FRMPD1: variants seen among roughly 807,000 people sequenced by gnomAD.
FRMPD1 encodes FERM and PDZ domain containing 1.
In FRMPD1, 76 loss-of-function variants were observed where a neutral mutation model predicts 117.8. The observed-to-expected ratio is 0.65, with a 90% CI of 0.54 to 0.78. The LOEUF (loss-of-function observed/expected upper bound fraction) is 0.78, where lower values mean the gene tolerates loss of function less well. Among genes scored for constraint, FRMPD1 ranks in the 30% least tolerant of loss-of-function variants. The pLI is 0.00. For missense variants in FRMPD1, 1,786 were observed against 1,964.5 expected (o/e 0.91, Z 1.72); for synonymous variants, 783 against 770.4 (o/e 1.02, Z -0.27).
At chr9:37,636,047 G>A in the FRMPD1 span, among the ~76,000 whole-genome samples, 1 of 152,198 alleles carries the variant, frequency 6.6e-6, no homozygotes, top group Non-Finnish European at 1.5e-5. Context: ...ACTTTCTCCA[G>A]GCTCAAGACA....
intron 2 of FRMPD1, among the ~76,000 whole-genome samples, chr9:37,701,696 G>A (rs370154281): frequency 6.6e-6 from 1 of 152,110 alleles, no homozygotes; most frequent in Non-Finnish European, 1.5e-5. Context: ...GGCGGGAGCT[G>A]TATTAAGCCA....
At chr9:37,621,797 C>T in the FRMPD1 span, among the ~76,000 whole-genome samples, 2 of 152,060 alleles carry the variant, frequency 1.3e-5, no homozygotes, top group African/African-American at 2.4e-5. Flanking sequence ...TGAATAGGCC[C>T]CAGCAGATGA....
At chr9:37,718,256 C>T (rs911629390) in intron 5 of FRMPD1, among the ~76,000 whole-genome samples, 1 of 152,212 alleles carries the variant, frequency 6.6e-6, no homozygotes, top group Non-Finnish European at 1.5e-5. Flanking sequence ...CCCATCTTCA[C>T]AGAACGTGGC....
At chr9:37,741,882 C>A (rs987987391) in intron 15 of FRMPD1, among the ~76,000 whole-genome samples, 1 of 152,216 alleles carries the variant, frequency 6.6e-6, no homozygotes, top group Admixed American at 6.5e-5. Flanking sequence ...TATCAGATTC[C>A]GGTTGGAATT....
intron 1 of FRMPD1, among the ~76,000 whole-genome samples, chr9:37,658,368 G>A (rs755710547): frequency 5.3e-5 from 8 of 152,218 alleles, no homozygotes; most frequent in African/African-American, 9.6e-5. Context: ...AGTGGTTGAC[G>A]TGGGGTCGGG....
the FRMPD1 span, among the ~76,000 whole-genome samples, chr9:37,623,215 T>C: frequency 6.6e-6 from 1 of 152,238 alleles, no homozygotes; most frequent in African/African-American, 2.4e-5. Context: ...GACCACTCTA[T>C]GCTGTGTCCT....
chr9:37,745,349 G>A lies in FRMPD1; in HGVS notation c.3317G>A (p.Gly1106Glu). The A allele has an allele frequency of 6.8e-6, 11 of 1,613,608 alleles. No homozygotes were observed. Among genetic ancestry groups the A allele is most frequent in the Non-Finnish European group, 7.6e-6 (9 of 1,179,490 alleles). ...ATCCCTACAAAGGAAGAGCCACAAG[G>A]ACAACTATCTCTGGAAAGAGACAGA... ...ASIPTKEEPQGQLSLERDREV... is the reference protein window; with the variant it reads ...ASIPTKEEPQEQLSLERDREV... The change falls in exon 16 of 16, where the codon GGA becomes GAA. Residue 1106 changes from glycine to glutamate, a missense_variant. Transcript: ENST00000377765.
At chr9:37,603,965 C>G in the FRMPD1 span, among the ~76,000 whole-genome samples, 2 of 152,158 alleles carry the variant, frequency 1.3e-5, no homozygotes, top group African/African-American at 4.8e-5. Flanking sequence ...AGGAGTGAGC[C>G]TGTAATCTCA....
chr9:37,693,903 C>G (rs1376443854), intron 2 of FRMPD1, among the ~76,000 whole-genome samples: 1 of 152,174 alleles, frequency 6.6e-6, no homozygotes, highest in East Asian at 1.9e-4. Context: ...AAGCCTTCCT[C>G]TGTCTAGAGT....
At chr9:37,610,705 C>T in the FRMPD1 span, among the ~76,000 whole-genome samples, 57 of 152,130 alleles carry the variant, frequency 3.7e-4, no homozygotes, top group Non-Finnish European at 7.4e-4. Context: ...AGAGATTCTC[C>T]TGCCACAGCC....
chr9:37,667,051 A>AT (rs1409591919), intron 1 of FRMPD1, among the ~76,000 whole-genome samples: 2 of 119,972 alleles, frequency 1.7e-5, no homozygotes, highest in Non-Finnish European at 3.4e-5. Flanking sequence ...AAGAGAGACA[A>AT]TTGAAGCATG....
intron 1 of FRMPD1, among the ~76,000 whole-genome samples, chr9:37,684,355 A>G (rs1472963272): frequency 6.6e-6 from 1 of 152,266 alleles, no homozygotes; most frequent in Non-Finnish European, 1.5e-5. Context: ...GCATTAAATA[A>G]GATAACCTGT....
At chr9:37,688,840 C>G (rs1466804092) in intron 1 of FRMPD1, among the ~76,000 whole-genome samples, 1 of 151,966 alleles carries the variant, frequency 6.6e-6, no homozygotes, top group Non-Finnish European at 1.5e-5. Context: ...GAAAAATTAA[C>G]TTGCTAATTG....
the FRMPD1 span, among the ~76,000 whole-genome samples, chr9:37,643,519 CT>C: frequency 6.6e-6 from 1 of 152,116 alleles, no homozygotes; most frequent in Non-Finnish European, 1.5e-5. Context: ...GTGTATTTAA[CT>C]TTCAAAAACA....
At chr9:37,644,369 CCTT>C in the FRMPD1 span, among the ~76,000 whole-genome samples, 1 of 152,184 alleles carries the variant, frequency 6.6e-6, no homozygotes, top group African/African-American at 2.4e-5. Context: ...GGGCCTTTGT[CCTT>C]CTTGCAATGG....
the FRMPD1 span, among the ~76,000 whole-genome samples, chr9:37,640,735 A>C: frequency 1.3e-5 from 2 of 152,226 alleles, no homozygotes; most frequent in South Asian, 4.1e-4. Flanking sequence ...ATGTTTTAAC[A>C]ATGAATTATT....
upstream of FRMPD1, among the ~76,000 whole-genome samples, chr9:37,650,744 G>A (rs1820641713): frequency 6.6e-6 from 1 of 151,996 alleles, no homozygotes. Flanking sequence ...GGCGGCGGAG[G>A]CAGGGCCCGG....
chr9:37,603,362 C>T, the FRMPD1 span, among the ~76,000 whole-genome samples: 3 of 152,044 alleles, frequency 2.0e-5, no homozygotes, highest in Non-Finnish European at 2.9e-5. Context: ...TAGGAGCATA[C>T]GGCAACTGAA....
intron 1 of FRMPD1, among the ~76,000 whole-genome samples, chr9:37,667,266 A>T (rs62533863): frequency 6.6e-6 from 1 of 150,492 alleles, no homozygotes; most frequent in Non-Finnish European, 1.5e-5. Flanking sequence ...GGGTCTCACC[A>T]TGTTGGCCAG....
Sources: allele counts gnomAD v4.1 joint callset (sites outside exome capture counted in the v4.1 genomes callset), GRCh38; gene constraint gnomAD v4.1.1; transcripts MANE v1.5; gene names NCBI Gene and HGNC (gene_info 2026-07-23, HGNC 2026-07-21).